Variants in FAM76A observed in about 807,000 individuals in gnomAD.
The protein encoded by FAM76A is family with sequence similarity 76 member A, also known as protein FAM76A.
In FAM76A, 32 loss-of-function variants were observed where a neutral mutation model predicts 46.2. The ratio of observed to expected loss-of-function variants is 0.69; its 90% confidence interval spans 0.52 to 0.93. The LOEUF (loss-of-function observed/expected upper bound fraction) is 0.93, where lower values mean the gene tolerates loss of function less well. FAM76A is among the 40% of genes least tolerant of loss of function. The probability of loss-of-function intolerance (pLI) is 0.00; values close to 1 mark genes in which losing one functional copy is unlikely to be tolerated. For synonymous variants in FAM76A, 137 were observed against 127.0 expected (o/e 1.08, Z -0.53); for missense variants, 274 against 361.5 (o/e 0.76, Z 1.96).
At chr1:27,757,740 G>T (rs893727036) in intron 7 of FAM76A, among the ~76,000 whole-genome samples, 1 of 151,888 alleles carries the variant, frequency 6.6e-6, no homozygotes, top group African/African-American at 2.4e-5. Context: ...ATTTTGGGAG[G>T]CCAAGGCGGG....
At chr1:27,757,251 A>C (rs1243198507) in intron 7 of FAM76A, among the ~76,000 whole-genome samples, 1 of 122,386 alleles carries the variant, frequency 8.2e-6, no homozygotes, top group African/African-American at 3.3e-5. Context: ...GCTGGAGTGC[A>C]GTGGTGCAAT....
intron 4 of FAM76A, 23 bp from the exon 5 acceptor site, chr1:27,744,631 A>G (rs1037101561): frequency 2.5e-6 from 4 of 1,612,266 alleles, no homozygotes; most frequent in African/African-American, 1.3e-5. Flanking sequence ...CCTCTTCTTT[A>G]TCTTTGTCTC....
At chr1:27,747,378 A>C (rs2088258292) in intron 5 of FAM76A, among the ~76,000 whole-genome samples, 1 of 152,238 alleles carries the variant, frequency 6.6e-6, no homozygotes, top group Non-Finnish European at 1.5e-5. Context: ...AACGAGGAGA[A>C]CATTTGAAGA....
chr1:27,745,906 A>G (rs1483030629), intron 5 of FAM76A, among the ~76,000 whole-genome samples: 1 of 152,188 alleles, frequency 6.6e-6, no homozygotes, highest in Non-Finnish European at 1.5e-5. Context: ...GGGGAATGGA[A>G]GGAAAAAGGG....
intron 4 of FAM76A, 152 bp downstream of exon 4, chr1:27,734,335 C>A (rs778648177): frequency 1.7e-4 from 117 of 683,534 alleles, no homozygotes; most frequent in Non-Finnish European, 1.8e-4. Context: ...ATCATGAGGT[C>A]AGGAGATCAA....
At chr1:27,731,461 C>T (rs575869086) in intron 2 of FAM76A, among the ~76,000 whole-genome samples, 1 of 152,104 alleles carries the variant, frequency 6.6e-6, no homozygotes, top group African/African-American at 2.4e-5. Context: ...CTGCCTTGGC[C>T]TCCCAAAGTG....
At chr1:27,744,313 G>A (rs2088205364) in intron 4 of FAM76A, among the ~76,000 whole-genome samples, 1 of 152,090 alleles carries the variant, frequency 6.6e-6, no homozygotes, top group Non-Finnish European at 1.5e-5. Flanking sequence ...ATTTTTAGTA[G>A]AGACGGGGTT....
intron 8 of FAM76A, 152 bp downstream of exon 8, chr1:27,759,779 G>GTTTTGTTTTGTTT (rs1553179890): frequency 8.3e-6 from 3 of 363,594 alleles, no homozygotes; most frequent in African/African-American, 6.6e-5. Flanking sequence ...TTTTTTTTTT[G>GTTTTGTTTTGTTT]TTTTTTTTTT....
chr1:27,736,061 C>T lies in FAM76A; in HGVS notation c.354+1878C>T, dbSNP rs552410849. Among the ~76,000 whole-genome samples, 7 of 152,102 alleles carry T rather than the reference C, an allele frequency of 4.6e-5. No homozygotes were observed. In the South Asian group the frequency reaches 8.3e-4, roughly 18 times the overall value. ...TCTGGGCCAACCCTGGTGGCTTGTG[C>T]CTGTAATCCCAACACTTTGGGAGGC... On this transcript the variant is annotated intron_variant, in intron 4 of 8. Coordinates refer to ENST00000373954, the MANE Select transcript of FAM76A (RefSeq NM_152660.3).
chr1:27,730,344 G>A lies in FAM76A; in HGVS notation c.147-2259G>A, dbSNP rs530208898. On this transcript the variant is annotated intron_variant, in intron 2 of 8. Coordinates refer to ENST00000373954, the MANE Select transcript of FAM76A (RefSeq NM_152660.3). Reference sequence around the variant, plus strand: ...TGGGATTACAGGCATGTACCACCGCGCCCAACTAATTTTGTATTTTTAGTA... The same window carrying A: ...TGGGATTACAGGCATGTACCACCGCACCCAACTAATTTTGTATTTTTAGTA... 104 of 153,262 alleles carry A rather than the reference G, an allele frequency of 6.8e-4. 1 individual carries two copies. The highest frequency in any genetic ancestry group is 3.3e-3 in the Middle Eastern group (1 of 300). 9.5% of individuals were successfully genotyped at this position (153,262 alleles called of 1,614,324 possible).
chr1:27,742,979 C>T (rs2088181042), intron 4 of FAM76A, among the ~76,000 whole-genome samples: 2 of 152,046 alleles, frequency 1.3e-5, no homozygotes, highest in African/African-American at 4.8e-5. Flanking sequence ...AGGAGAATTG[C>T]TTGAACCCAG....
rs762817682 is a variant in FAM76A, at chr1:27,760,490, T to C, written c.838-5T>C. The C allele has an allele frequency of 1.6e-5, 26 of 1,605,692 alleles. No individual in the cohort carries two copies. The African/African-American group carries it at 3.4e-4, about 21-fold the overall frequency. The stretch of plus-strand genomic sequence containing the variant: ...CCTTCTTGCACTGATTTTTTTTTTC[T>C]TTAGGCCAAAAACCGAGAGCTCCTG... On this transcript the variant is annotated splice_polypyrimidine_tract_variant and splice_region_variant and intron_variant, in intron 8 of 8. Coordinates refer to ENST00000373954, the MANE Select transcript of FAM76A (RefSeq NM_152660.3).
At chr1:27,751,205 C>T (rs1321542328) in intron 6 of FAM76A, among the ~76,000 whole-genome samples, 1 of 152,100 alleles carries the variant, frequency 6.6e-6, no homozygotes, top group Non-Finnish European at 1.5e-5. Flanking sequence ...ATTTATTTTT[C>T]TAAGTAATTT....
Position 27,744,828 on chromosome 1 carries a change from T to G in FAM76A, c.512+17T>G, listed in dbSNP as rs374146276. The G allele has an allele frequency of 1.2e-6, 2 of 1,610,822 alleles. No homozygotes were observed. The highest frequency in any genetic ancestry group is 2.7e-5 in the African/African-American group (2 of 74,862). ...TTATAACAGGTAACCTCAAGACACA[T>G]GAGATGGGACTAGAAGTGCTGGTAG... is the stretch of plus-strand genomic sequence containing the variant. On this transcript the variant is annotated intron_variant, in intron 5 of 8. Transcript: ENST00000373954.
rs1407884823 is a variant in FAM76A at position 27,755,277 on chromosome 1, C to A, written c.682C>A (p.Leu228Met). ...CCAACTGAAGGAAGAAGTGGCTACC[C>A]TGAAGAAGATGTTGCATCAAAAGGA... ...IAQLKEEVAT[L>M]KKMLHQKDQM... The change falls in exon 7 of 9, where the codon CTG becomes ATG. Residue 228 changes from leucine (L) to methionine (M), a missense_variant. Coordinates refer to ENST00000373954, the MANE Select transcript of FAM76A (RefSeq NM_152660.3). The A allele has an allele frequency of 6.2e-7, 1 of 1,614,148 alleles. No individual in the cohort carries two copies. Among genetic ancestry groups the A allele is most frequent in the East Asian group, 2.2e-5 (1 of 44,888 alleles).
intron 7 of FAM76A, 26 bp from the exon 8 acceptor site, chr1:27,759,500 T>C (rs757164138): frequency 6.6e-7 from 1 of 1,526,218 alleles, no homozygotes; most frequent in East Asian, 2.3e-5. Context: ...AAATTTCTTC[T>C]GGTTATTCTG....
chr1:27,732,489 C>A, intron 2 of FAM76A, 114 bp from the exon 3 acceptor site: 1 of 679,426 alleles, frequency 1.5e-6, no homozygotes, highest in South Asian at 2.3e-5. Flanking sequence ...GTTAACCAAG[C>A]ATCCAGACCA....
chr1:27,740,153 T>C, intron 4 of FAM76A: 1 of 513,382 alleles, frequency 1.9e-6, no homozygotes, highest in South Asian at 1.8e-5. Flanking sequence ...TTGACATACA[T>C]GTGATGGTGT....
Position 27,748,375 on chromosome 1 carries a change from C to T in FAM76A, c.513-693C>T, listed in dbSNP as rs573088703. On this transcript the variant is annotated intron_variant, in intron 5 of 8. Coordinates refer to ENST00000373954, the MANE Select transcript of FAM76A (RefSeq NM_152660.3). ...TCCTGACCTCGTGATCCATCCACCTCGGCCTCCCAAAGTGCTGGGATTACA... is the reference window on the plus strand; with the variant it reads ...TCCTGACCTCGTGATCCATCCACCTTGGCCTCCCAAAGTGCTGGGATTACA... Among the ~76,000 whole-genome samples, 6 of 151,576 alleles carry T rather than the reference C, an allele frequency of 4.0e-5. No individual in the cohort carries two copies. In the East Asian group the frequency reaches 9.7e-4, roughly 24 times the overall value.
Sources: allele counts gnomAD v4.1 joint callset (sites outside exome capture counted in the v4.1 genomes callset), GRCh38; gene constraint gnomAD v4.1.1; transcripts MANE v1.5; gene names NCBI Gene and HGNC (gene_info 2026-07-23, HGNC 2026-07-21).